The following DNAH7 variants were observed in gnomAD, a reference collection of about 807,000 sequenced individuals.
The protein encoded by DNAH7 is axonemal beta dynein heavy chain 7.
In DNAH7, 397 loss-of-function variants were observed where a neutral mutation model predicts 444.6. The ratio of observed to expected loss-of-function variants is 0.89; its 90% CI spans 0.82 to 0.97. The LOEUF is 0.97. DNAH7 is among the 50% of genes least tolerant of loss of function. The pLI, the probability that DNAH7 is intolerant of heterozygous loss-of-function variation, is 0.00. For missense variants in DNAH7, 4,902 were observed against 4,800.8 expected, an observed-to-expected ratio of 1.02 and a Z score of -0.62; for synonymous variants, 1,636 against 1,624.4, an observed-to-expected ratio of 1.01 and a Z score of -0.17.
rs1692552127 is a variant in DNAH7, at chr2:195,981,246, A to G, written c.1833+3386T>C. On this transcript the variant is annotated intron_variant, in intron 15 of 64. Transcript: ENST00000312428. ...TCAAGAAAGTAATCTCATTTACAAT[A>G]GCCATAAATAAAATTAAATACCTAG... Among the ~76,000 whole-genome samples, 5 of 152,240 alleles carry G rather than the reference A, an allele frequency of 3.3e-5. No homozygotes were observed. The Middle Eastern group carries it at 0.014, about 414-fold the overall frequency.
Position 196,006,941 on chromosome 2 carries a change from G to A in DNAH7, c.990-5083C>T, listed in dbSNP as rs1313477462. On this transcript the variant is annotated intron_variant, in intron 10 of 64. Coordinates refer to ENST00000312428, the MANE Select transcript of DNAH7 (RefSeq NM_018897.3). ...ATACTGAAAACTACACGACATTGTT[G>A]AAATAAATTAAAGAAGAACTAAATA... Among the ~76,000 whole-genome samples the A allele has an allele frequency of 2.0e-5, 3 of 152,010 alleles. No individual in the cohort carries two copies. The East Asian group carries it at 5.8e-4, about 29-fold the overall frequency.
At chr2:195,847,119 GAT>G (rs975851582) in intron 46 of DNAH7, among the ~76,000 whole-genome samples, 2 of 137,792 alleles carry the variant, frequency 1.5e-5, no homozygotes, top group Non-Finnish European at 1.5e-5. Context: ...TGGGATATCG[GAT>G]ATATATATAT....
At chr2:195,766,711 G>T (rs1694603597) in intron 61 of DNAH7, among the ~76,000 whole-genome samples, 1 of 152,084 alleles carries the variant, frequency 6.6e-6, no homozygotes, top group East Asian at 1.9e-4. Flanking sequence ...GTAACACAAA[G>T]GATCCATGTT....
intron 22 of DNAH7, 47 bp from the exon 23 acceptor site, chr2:195,923,854 T>G: frequency 6.5e-7 from 1 of 1,533,100 alleles, no homozygotes; most frequent in Non-Finnish European, 9.0e-7. Flanking sequence ...TGATCAAAAT[T>G]ATTTTGAACA....
chr2:195,984,738 C>T lies in DNAH7; in HGVS notation c.1755-28G>A, dbSNP rs578010498. 5 of 1,593,258 alleles carry T rather than the reference C, an allele frequency of 3.1e-6. No homozygotes were observed. In the Admixed American group the frequency reaches 6.7e-5, roughly 21 times the overall value. On this transcript the variant is annotated intron_variant, in intron 14 of 64. Transcript: ENST00000312428. The stretch of plus-strand genomic sequence containing the variant: ...GAAACACCAAGTAAAACCAATCTTA[C>T]ATATTTACAGTTCAATTTAATTCCA...
intron 8 of DNAH7, among the ~76,000 whole-genome samples, chr2:196,020,929 TGATATAAAAGA>T: frequency 6.6e-6 from 1 of 152,080 alleles, no homozygotes; most frequent in African/African-American, 2.4e-5. Context: ...CATTTTAAAA[TGATATAAAAGA>T]AAATAAAACT....
intron 27 of DNAH7, 182 bp from the exon 28 acceptor site, chr2:195,900,676 C>G (rs1686648774): frequency 1.8e-6 from 1 of 549,186 alleles, no homozygotes; most frequent in Admixed American, 3.3e-5. Context: ...TGGGGAGAGG[C>G]TGGTTAACAA....
intron 19 of DNAH7, among the ~76,000 whole-genome samples, chr2:195,939,897 T>C (rs1689305900): frequency 6.6e-6 from 1 of 152,100 alleles, no homozygotes; most frequent in Non-Finnish European, 1.5e-5. Context: ...GGAAAAAAAT[T>C]CCATGCTCAT....
intron 17 of DNAH7, among the ~76,000 whole-genome samples, chr2:195,963,430 CAT>C (rs576733729): frequency 3.4e-4 from 52 of 152,290 alleles, no homozygotes; most frequent in South Asian, 1.2e-3. Context: ...TGTCTCTTCA[CAT>C]CTTTTGCCCA....
At chr2:195,778,798 ATATT>A (rs1479872976) in intron 58 of DNAH7, among the ~76,000 whole-genome samples, 1 of 148,434 alleles carries the variant, frequency 6.7e-6, no homozygotes, top group African/African-American at 2.5e-5. Flanking sequence ...ATATCCATAT[ATATT>A]TGACAATTTG....
Position 195,988,092 on chromosome 2 carries a change from A to C in DNAH7, c.1491T>G (p.Tyr497Ter). 17 of 1,613,800 alleles carry C rather than the reference A, an allele frequency of 1.1e-5. No homozygotes were observed. The highest frequency in any genetic ancestry group is 1.4e-5 in the Non-Finnish European group (17 of 1,179,788). Residue 497 changes from tyrosine (Y) to a stop codon, truncating the protein, a stop_gained, in exon 13 of 65, where the codon TAT becomes TAG. Coordinates refer to ENST00000312428, the MANE Select transcript of DNAH7 (RefSeq NM_018897.3). LOFTEE classifies it high-confidence loss of function. ...CAGCTTTTCTGGTAATTAAAAAGTC[A>C]TACTTGTCATAGAGTCTGAGGTGCT... ...PTEHLRLYDK[Y>*]DFLITRKAER...
intron 40 of DNAH7, among the ~76,000 whole-genome samples, chr2:195,867,984 A>G (rs1199614440): frequency 6.6e-6 from 1 of 151,588 alleles, no homozygotes; most frequent in Admixed American, 6.6e-5. Context: ...CTATGTTTTA[A>G]CCTTTTGATG....
intron 8 of DNAH7, among the ~76,000 whole-genome samples, chr2:196,020,279 G>C (rs1034895590): frequency 5.3e-5 from 8 of 151,970 alleles, no homozygotes; most frequent in African/African-American, 1.9e-4. Context: ...ATTTAACCAC[G>C]TATAAAAATT....
intron 58 of DNAH7, among the ~76,000 whole-genome samples, chr2:195,779,807 T>C (rs116195079): frequency 0.01 from 1,553 of 152,218 alleles, 25 homozygotes; most frequent in African/African-American, 0.034. Context: ...GGTTTCACCA[T>C]GTTGCCCAGG....
At chr2:195,948,635 T>C (rs940425072) in intron 19 of DNAH7, among the ~76,000 whole-genome samples, 4 of 152,246 alleles carry the variant, frequency 2.6e-5, no homozygotes, top group African/African-American at 9.6e-5. Context: ...GTCTCTGTTC[T>C]GTTCCATTGG....
At chr2:195,998,906 T>G in intron 12 of DNAH7, 1 of 499,440 alleles carries the variant, frequency 2.0e-6, no homozygotes, top group Non-Finnish European at 3.6e-6. Context: ...AAAAAAAAAG[T>G]CTAAGGGACC....
chr2:196,042,291 C>A (rs868628879), intron 5 of DNAH7, among the ~76,000 whole-genome samples: 1 of 151,826 alleles, frequency 6.6e-6, no homozygotes, highest in Non-Finnish European at 1.5e-5. Context: ...GTTATCTGCA[C>A]AAAGAAATAA....
rs143607123 is a variant in DNAH7 at position 196,034,364 on chromosome 2, T to C, written c.399-6317A>G. Among the ~76,000 whole-genome samples the C allele has an allele frequency of 3.3e-3, 503 of 152,306 alleles. 3 individuals carry two copies. Among genetic ancestry groups the C allele is most frequent in the Middle Eastern group, 0.01 (3 of 294 alleles). Reference sequence around the variant, plus strand: ...TTTCTACACAAAAATGTATATAAAGTGCTGAGAGCAACCGAAGATCTAAAT... The same window carrying C: ...TTTCTACACAAAAATGTATATAAAGCGCTGAGAGCAACCGAAGATCTAAAT... On this transcript the variant is annotated intron_variant, in intron 5 of 64. Transcript: ENST00000312428.
chr2:195,906,741 A>C lies in DNAH7; in HGVS notation c.4253T>G (p.Leu1418Arg). 1 of 1,613,534 alleles carries C rather than the reference A, an allele frequency of 6.2e-7. No homozygotes were observed. Among genetic ancestry groups the C allele is most frequent in the South Asian group, 1.1e-5 (1 of 91,062 alleles). ...GACAGCACATGTGGGGTCAAGTTTT[A>C]GTTCAGTTCCTTCAAACATCAGTAT... ...ADILMFEGTE[L>R]KLDPTCAVFI... The change falls in exon 27 of 65, where the codon CTA becomes CGA. Residue 1418 changes from leucine (L) to arginine (R), a missense_variant. Physicochemically the swap from Leu to Arg is moderately radical, Grantham distance 102. Coordinates refer to ENST00000312428, the MANE Select transcript of DNAH7 (RefSeq NM_018897.3).
Sources: gnomAD v4.1 joint callset for allele counts (sites outside exome capture counted in the v4.1 genomes callset) on GRCh38, gnomAD v4.1.1 for gene constraint, MANE v1.5 for transcripts, NCBI Gene and HGNC (gene_info 2026-07-23, HGNC 2026-07-21) for gene names.